The following KIF7 variants were observed in gnomAD, a reference collection of about 807,000 sequenced individuals.
KIF7 encodes kinesin-like protein KIF7.
In KIF7, 104 loss-of-function variants were observed where a neutral mutation model predicts 135.7. That is an observed-to-expected ratio of 0.77 (90% confidence interval 0.65 to 0.90). KIF7 has a LOEUF of 0.90. Ranked by LOEUF, KIF7 falls within the 40% of genes least tolerant of loss-of-function variation. The pLI is 0.00. For synonymous variants in KIF7, 883 were observed against 809.4 expected (o/e 1.09, Z -1.54); for missense variants, 2,005 against 1,839.1 (o/e 1.09, Z -1.65).
At chr15:89,635,458 T>A (rs1963785935) in intron 11 of KIF7, among the ~76,000 whole-genome samples, 1 of 152,066 alleles carries the variant, frequency 6.6e-6, no homozygotes, top group South Asian at 2.1e-4. Context: ...ATAACTAGAA[T>A]AACCAATACA....
chr15:89,621,039 G>C (rs1198970032), intron 1 of KIF7, among the ~76,000 whole-genome samples: 1 of 149,080 alleles, frequency 6.7e-6, no homozygotes, highest in Non-Finnish European at 1.5e-5. Flanking sequence ...TTGTTTTTGA[G>C]ATGGAGTTGT....
chr15:89,634,076 A>G (rs1596069094), intron 11 of KIF7, among the ~76,000 whole-genome samples, 193 bp from the exon 12 acceptor site: 1 of 152,270 alleles, frequency 6.6e-6, no homozygotes, highest in African/African-American at 2.4e-5. Flanking sequence ...AGGCGGGCGG[A>G]TTACTTGAGG....
At chr15:89,660,974 T>C in the KIF7 span, among the ~76,000 whole-genome samples, 1 of 152,214 alleles carries the variant, frequency 6.6e-6, no homozygotes, top group African/African-American at 2.4e-5. Flanking sequence ...CAAGTTCAGC[T>C]GATCTGCAGG....
Position 89,645,348 on chromosome 15 carries a change from G to A in KIF7, c.2026C>T (p.Pro676Ser), listed in dbSNP as rs1401027354. 6.2e-7 allele frequency: 1 copy of A among 1,614,006 alleles called. No individual in the cohort carries two copies. Among genetic ancestry groups the A allele is most frequent in the South Asian group, 1.1e-5 (1 of 91,078 alleles). ...LCLEELDAAI[P>S]GSRAVGGSKA... ...CCACCCAGCTTACCTCTGGACCCTG[G>A]AATGGCTGCATCCAACTCCTCAAGG... Residue 676 changes from proline to serine, a missense_variant, in exon 9 of 19, where the codon CCA becomes TCA. Physicochemically the swap from Pro to Ser is moderately conservative, Grantham distance 74. Coordinates refer to ENST00000394412, the MANE Select transcript of KIF7 (RefSeq NM_198525.3).
At chr15:89,653,163 T>C (rs1387560713) in intron 1 of KIF7, among the ~76,000 whole-genome samples, 2 of 152,240 alleles carry the variant, frequency 1.3e-5, no homozygotes, top group Non-Finnish European at 2.9e-5. Context: ...GAACATGTCA[T>C]GGCTTCCGGC....
the KIF7 span, among the ~76,000 whole-genome samples, chr15:89,662,515 G>A: frequency 3.9e-5 from 6 of 152,284 alleles, no homozygotes; most frequent in South Asian, 1.0e-3. Context: ...TTATGGGAGG[G>A]AAAAGGGGTA....
rs1269915713 is a variant in KIF7 at position 89,642,367 on chromosome 15, G to A, written c.2230C>T (p.Arg744Cys). 2 of 1,607,584 alleles carry A rather than the reference G, an allele frequency of 1.2e-6. No individual in the cohort carries two copies. Among genetic ancestry groups the A allele is most frequent in the East Asian group, 2.2e-5 (1 of 44,676 alleles). Reference sequence around the variant, plus strand: ...GCCTCCTGCTCCAGCTCCCGGATACGCTGGCTGTGCTGGCGGTTCAGGGCC... The same window carrying A: ...GCCTCCTGCTCCAGCTCCCGGATACACTGGCTGTGCTGGCGGTTCAGGGCC... ...AQALNRQHSQ[R>C]IRELEQEAEQ... Residue 744 changes from arginine (R) to cysteine (C), a missense_variant, in exon 11 of 19, where the codon CGT (arginine) becomes TGT (cysteine). Physicochemically the swap from Arg to Cys is radical, Grantham distance 180. Transcript: ENST00000394412.
At chr15:89,632,591 T>G (rs1398826559) in intron 14 of KIF7, among the ~76,000 whole-genome samples, 1 of 152,160 alleles carries the variant, frequency 6.6e-6, no homozygotes, top group African/African-American at 2.4e-5. Context: ...CAGAGCTTCC[T>G]CTGTCTGGAA....
At chr15:89,654,736 T>C (rs1964180786) in intron 1 of KIF7, among the ~76,000 whole-genome samples, 1 of 152,214 alleles carries the variant, frequency 6.6e-6, no homozygotes, top group Non-Finnish European at 1.5e-5. Flanking sequence ...TCCAGGGAAC[T>C]TTCCCTGCCC....
At chr15:89,659,658 G>A (rs188911705), upstream of KIF7, among the ~76,000 whole-genome samples, 24 of 152,204 alleles carry the variant, frequency 1.6e-4, no homozygotes, top group Admixed American at 4.6e-4. Flanking sequence ...ACAAGATTCC[G>A]TTTTACTCTC....
At chr15:89,620,884 A>G (rs1963413410) in intron 1 of KIF7, among the ~76,000 whole-genome samples, 2 of 151,694 alleles carry the variant, frequency 1.3e-5, no homozygotes, top group East Asian at 1.9e-4. Context: ...CACCACGCCC[A>G]GCTAAATTTT....
At chr15:89,630,172 G>T in intron 16 of KIF7, 115 bp downstream of exon 16, 1 of 992,750 alleles carries the variant, frequency 1.0e-6, no homozygotes, top group African/African-American at 1.6e-5. Flanking sequence ...AGTTGGTCCT[G>T]ATTCTGTCCC....
rs1185101394 is a variant in KIF7, at chr15:89,649,957, A to G, written c.329-16T>C. The G allele has an allele frequency of 1.9e-5, 30 of 1,548,284 alleles. No homozygotes were observed. The East Asian group carries it at 6.8e-4, about 35-fold the overall frequency. On this transcript the variant is annotated splice_polypyrimidine_tract_variant and intron_variant, in intron 2 of 18. Coordinates refer to ENST00000394412, the MANE Select transcript of KIF7 (RefSeq NM_198525.3). The stretch of plus-strand genomic sequence containing the variant: ...AGGAGGGAGGCTGGGGAGACACCGC[A>G]GGGCCTCCTGCCACTTCAGCTGGAC...
chr15:89,649,470 C>A, intron 3 of KIF7, 103 bp from the exon 4 acceptor site: 1 of 1,305,320 alleles, frequency 7.7e-7, no homozygotes, highest in Non-Finnish European at 1.0e-6. Context: ...CCTTCCTGAC[C>A]CACTGCTCCC....
chr15:89,633,294 T>C (rs1156303483), intron 12 of KIF7, 28 bp from the exon 13 acceptor site: 2 of 1,544,244 alleles, frequency 1.3e-6, no homozygotes, highest in Admixed American at 1.9e-5. Flanking sequence ...TGGGCAGGGC[T>C]GTTTATGGTG....
intron 10 of KIF7, among the ~76,000 whole-genome samples, chr15:89,643,466 A>T (rs1963957641): frequency 6.6e-6 from 1 of 152,196 alleles, no homozygotes; most frequent in African/African-American, 2.4e-5. Context: ...CCTGGAACCA[A>T]TCCCACATAG....
chr15:89,625,412 G>A (rs750971063), downstream of KIF7: 7 of 1,613,904 alleles, frequency 4.3e-6, no homozygotes, highest in Non-Finnish European at 5.1e-6. Flanking sequence ...TCCTCTTCCG[G>A]GAGGGGCGAG....
chr15:89,623,789 C>A (rs1963463185), downstream of KIF7: 1 of 1,613,978 alleles, frequency 6.2e-7, no homozygotes, highest in East Asian at 2.2e-5. Flanking sequence ...TTAAAAGACT[C>A]CTCCTCACCC....
intron 10 of KIF7, 85 bp from the exon 11 acceptor site, chr15:89,642,490 C>T: frequency 8.7e-7 from 1 of 1,152,198 alleles, no homozygotes; most frequent in Non-Finnish European, 1.2e-6. Context: ...GTTTCCCAGC[C>T]CTTGGACACC....
Sources: allele counts gnomAD v4.1 joint callset (sites outside exome capture counted in the v4.1 genomes callset), GRCh38; gene constraint gnomAD v4.1.1; transcripts MANE v1.5; gene names NCBI Gene and HGNC (gene_info 2026-07-23, HGNC 2026-07-21).